The following FSTL5 variants were observed in gnomAD, a reference collection of about 807,000 sequenced individuals.
The protein encoded by FSTL5 is follistatin like 5, also known as follistatin-related protein 5.
A neutral mutation model predicts 89.1 loss-of-function variants in FSTL5; 62 were observed. The observed-to-expected ratio is 0.70, with a 90% CI of 0.57 to 0.86. FSTL5 has a LOEUF of 0.86. FSTL5 is among the 40% of genes least tolerant of loss of function. The probability of loss-of-function intolerance (pLI) is 0.00; values close to 1 mark genes in which losing one functional copy is unlikely to be tolerated. For missense variants in FSTL5, 1,057 were observed against 1,001.6 expected (o/e 1.06, Z -0.75); for synonymous variants, 383 against 346.2 (o/e 1.11, Z -1.18).
chr4:161,517,368 A>G (rs1376182207), intron 10 of FSTL5, among the ~76,000 whole-genome samples: 2 of 152,210 alleles, frequency 1.3e-5, no homozygotes, highest in Non-Finnish European at 2.9e-5. Context: ...AAAGTTATAA[A>G]CCACTTAATT....
intron 4 of FSTL5, among the ~76,000 whole-genome samples, chr4:161,863,650 C>T (rs1731987424): frequency 6.6e-6 from 1 of 152,184 alleles, no homozygotes; most frequent in Non-Finnish European, 1.5e-5. Flanking sequence ...CCTCACCCTC[C>T]CTCACTTGTA....
chr4:161,914,459 T>C (rs1430336902), intron 4 of FSTL5, among the ~76,000 whole-genome samples: 1 of 152,058 alleles, frequency 6.6e-6, no homozygotes, highest in African/African-American at 2.4e-5. Flanking sequence ...GGGAGAAATG[T>C]AGTGGGGTAG....
Position 161,789,866 on chromosome 4 carries a change from G to A in FSTL5, c.410-13792C>T, listed in dbSNP as rs529877854. 3.3e-5 allele frequency among the ~76,000 whole-genome samples: 5 copies of A among 152,250 alleles called. No individual in the cohort carries two copies. In the East Asian group the frequency reaches 7.7e-4, roughly 24 times the overall value. On this transcript the variant is annotated intron_variant, in intron 4 of 15. Transcript: ENST00000306100. ...ATATACTTTCAATAAGTTCAGCAAA[G>A]TATGTAAAATGAAAAGGTAATCCAG...
intron 15 of FSTL5, among the ~76,000 whole-genome samples, chr4:161,444,762 T>C (rs1560898365): frequency 6.6e-6 from 1 of 151,842 alleles, no homozygotes; most frequent in Non-Finnish European, 1.5e-5. Flanking sequence ...GGATAACTTG[T>C]AGAGCACATC....
chr4:161,563,787 T>A (rs1201841140), intron 8 of FSTL5, among the ~76,000 whole-genome samples: 2 of 151,966 alleles, frequency 1.3e-5, no homozygotes, highest in African/African-American at 4.8e-5. Flanking sequence ...TTTGGAAAAG[T>A]TATTGTATAA....
chr4:161,553,101 G>A (rs1258959302), intron 8 of FSTL5, among the ~76,000 whole-genome samples: 1 of 151,642 alleles, frequency 6.6e-6, no homozygotes, highest in African/African-American at 2.4e-5. Context: ...TTATGAAAAT[G>A]TGATATTTAA....
chr4:161,877,798 C>T (rs998340425), intron 4 of FSTL5, among the ~76,000 whole-genome samples: 4 of 151,870 alleles, frequency 2.6e-5, no homozygotes, highest in African/African-American at 9.7e-5. Flanking sequence ...TGCACTCCAG[C>T]CTGGGCGACA....
chr4:161,973,425 A>C (rs960174601), intron 3 of FSTL5, among the ~76,000 whole-genome samples: 1 of 152,208 alleles, frequency 6.6e-6, no homozygotes, highest in Non-Finnish European at 1.5e-5. Flanking sequence ...TATATGGAAT[A>C]CTTAAGTATT....
At chr4:162,046,107 CTAAA>C (rs1441603143) in intron 2 of FSTL5, among the ~76,000 whole-genome samples, 1 of 152,134 alleles carries the variant, frequency 6.6e-6, no homozygotes, top group Non-Finnish European at 1.5e-5. Context: ...TATTGACACA[CTAAA>C]TAACCACTCA....
At chr4:161,969,878 G>A (rs1241244772) in intron 3 of FSTL5, among the ~76,000 whole-genome samples, 1 of 152,056 alleles carries the variant, frequency 6.6e-6, no homozygotes, top group Non-Finnish European at 1.5e-5. Context: ...GAGGAAATGA[G>A]GATTTGAGAA....
intron 3 of FSTL5, among the ~76,000 whole-genome samples, chr4:161,977,621 A>T (rs776469941): frequency 0.035 from 2,272 of 64,308 alleles, 54 homozygotes; most frequent in Middle Eastern, 0.11. Flanking sequence ...TCAAAAAAAA[A>T]AAAAAAAAAA....
Position 161,573,331 on chromosome 4 carries a change from G to C in FSTL5, c.1015+14124C>G, listed in dbSNP as rs563008242. Among the ~76,000 whole-genome samples, 29 of 149,416 alleles carry C rather than the reference G, an allele frequency of 1.9e-4. No homozygotes were observed. In the South Asian group the frequency reaches 6.1e-3, roughly 32 times the overall value. The stretch of plus-strand genomic sequence containing the variant: ...AGGCTGAGGTGGGAGGATTGCTTGA[G>C]CCCAGAAAGTGGAGCTTGCAGTGAG... On this transcript the variant is annotated intron_variant, in intron 8 of 15. Transcript: ENST00000306100.
chr4:161,620,698 G>A (rs1735091956), intron 7 of FSTL5, among the ~76,000 whole-genome samples: 1 of 151,996 alleles, frequency 6.6e-6, no homozygotes, highest in Non-Finnish European at 1.5e-5. Flanking sequence ...TGCTAACAGA[G>A]TTCTTCAGGA....
chr4:162,029,035 T>C (rs969130121), intron 3 of FSTL5, among the ~76,000 whole-genome samples: 2 of 152,018 alleles, frequency 1.3e-5, no homozygotes, highest in Admixed American at 6.6e-5. Flanking sequence ...CCCGGATACA[T>C]TAGGCGATTT....
intron 3 of FSTL5, among the ~76,000 whole-genome samples, chr4:161,955,184 A>T (rs1734996249): frequency 6.6e-6 from 1 of 151,644 alleles, no homozygotes; most frequent in Non-Finnish European, 1.5e-5. Flanking sequence ...ATAGATAGAG[A>T]CAGAGTAACT....
intron 6 of FSTL5, among the ~76,000 whole-genome samples, chr4:161,731,824 G>C (rs138127737): frequency 3.3e-5 from 5 of 151,556 alleles, no homozygotes; most frequent in East Asian, 1.9e-4. Context: ...TGTGTGCATC[G>C]GTAGTTGATT....
intron 2 of FSTL5, among the ~76,000 whole-genome samples, chr4:162,062,268 A>G (rs566600774): frequency 1.3e-5 from 2 of 152,056 alleles, no homozygotes; most frequent in South Asian, 4.2e-4. Context: ...AGATTTCTAA[A>G]TAGCAGTTGA....
intron 4 of FSTL5, among the ~76,000 whole-genome samples, chr4:161,836,681 T>G (rs1299767483): frequency 6.6e-6 from 1 of 151,884 alleles, no homozygotes; most frequent in Non-Finnish European, 1.5e-5. Context: ...AAGAACACCC[T>G]GGAAACAATG....
rs796909244 is a variant in FSTL5, at chr4:161,977,612, CAAAAAAAA to C, written c.160+56005_160+56012del. On this transcript the variant is annotated intron_variant, in intron 3 of 15. Transcript: ENST00000306100. ...TGGGCGACACAGCGAGACTCCGTGTCAAAAAAAAAAAAAAAAAAAAAAAAAAAAATAAT... is the reference window on the plus strand; with the variant it reads ...TGGGCGACACAGCGAGACTCCGTGTCAAAAAAAAAAAAAAAAAAAAATAAT... 6.2e-3 allele frequency among the ~76,000 whole-genome samples: 588 copies of C among 95,032 alleles called. 7 individuals are homozygous for C. The highest frequency in any genetic ancestry group is 0.022 in the Middle Eastern group (4 of 186). The allele number at this position is 95,032 out of a possible 152,430, so 62.3% of individuals were successfully genotyped here.
Sources: allele counts gnomAD v4.1 joint callset (sites outside exome capture counted in the v4.1 genomes callset), GRCh38; gene constraint gnomAD v4.1.1; transcripts MANE v1.5; gene names NCBI Gene and HGNC (gene_info 2026-07-23, HGNC 2026-07-21).